PLCB4: variants seen among roughly 807,000 people sequenced by gnomAD.
PLCB4 encodes the protein phospholipase C beta 4.
Under a neutral mutation model 178.8 loss-of-function variants are expected in PLCB4, and 77 were observed. The ratio of observed to expected loss-of-function variants is 0.43; its 90% confidence interval spans 0.36 to 0.52. PLCB4 has a LOEUF of 0.52. PLCB4 is among the 20% of genes least tolerant of loss of function. PLCB4 has a pLI of 0.00. For synonymous variants in PLCB4, 496 were observed against 490.8 expected (o/e 1.01, Z -0.14); for missense variants, 1,024 against 1,453.4 (o/e 0.70, Z 4.80).
At chr20:9,175,097 A>G (rs2093132396) in intron 2 of PLCB4, among the ~76,000 whole-genome samples, 1 of 152,210 alleles carries the variant, frequency 6.6e-6, no homozygotes, top group Non-Finnish European at 1.5e-5. Context: ...GGTTGTCACC[A>G]TCAGCATCAG....
At chr20:9,255,685 T>A (rs932354607) in intron 3 of PLCB4, among the ~76,000 whole-genome samples, 1 of 152,150 alleles carries the variant, frequency 6.6e-6, no homozygotes, top group Non-Finnish European at 1.5e-5. Flanking sequence ...ACAAACATTT[T>A]CTGTAAATGG....
At chr20:9,302,293 A>G (rs1274019125) in intron 3 of PLCB4, among the ~76,000 whole-genome samples, 1 of 152,084 alleles carries the variant, frequency 6.6e-6, no homozygotes, top group African/African-American at 2.4e-5. Context: ...TCCCTTTAAC[A>G]TTCTCTGCAG....
At chr20:9,345,883 G>C (rs1010690974) in intron 7 of PLCB4, among the ~76,000 whole-genome samples, 1 of 152,102 alleles carries the variant, frequency 6.6e-6, no homozygotes, top group Non-Finnish European at 1.5e-5. Flanking sequence ...AGTCAAAATT[G>C]CTTTGCTAAA....
intron 1 of PLCB4, among the ~76,000 whole-genome samples, chr20:9,081,719 T>A (rs1376822897): frequency 7.4e-6 from 1 of 135,262 alleles, no homozygotes; most frequent in East Asian, 2.3e-4. Flanking sequence ...ATGCCATTAT[T>A]GCAAAGCCTG....
intron 28 of PLCB4, among the ~76,000 whole-genome samples, chr20:9,430,107 A>T (rs1360953692): frequency 6.6e-6 from 1 of 152,106 alleles, no homozygotes; most frequent in Non-Finnish European, 1.5e-5. Context: ...AAAATAAAAA[A>T]AGTTTGTGCA....
chr20:9,277,047 A>G (rs756180990), intron 3 of PLCB4, among the ~76,000 whole-genome samples: 1 of 152,076 alleles, frequency 6.6e-6, no homozygotes, highest in Non-Finnish European at 1.5e-5. Flanking sequence ...GATGCACAGT[A>G]AAGTCTGGGA....
Position 9,105,045 on chromosome 20 carries a change from A to T in PLCB4, c.-79+8703A>T, listed in dbSNP as rs563560802. On this transcript the variant is annotated intron_variant, in intron 2 of 39. Coordinates refer to ENST00000378473, the MANE Select transcript of PLCB4 (RefSeq NM_001377142.1). ...TATATGTAACAAGTGCTTGATTTTT[A>T]AAAAAATGAGTGAATGAAGATATGA... 5.9e-5 allele frequency among the ~76,000 whole-genome samples: 9 copies of T among 152,184 alleles called. No homozygotes were observed. In the East Asian group the frequency reaches 1.2e-3, roughly 20 times the overall value.
At chr20:9,235,507 A>G (rs1399376670) in intron 3 of PLCB4, among the ~76,000 whole-genome samples, 2 of 152,206 alleles carry the variant, frequency 1.3e-5, no homozygotes, top group Non-Finnish European at 2.9e-5. Context: ...CAAACTATAC[A>G]TATTGTAGCC....
At chr20:9,290,910 A>G (rs1226219239) in intron 3 of PLCB4, among the ~76,000 whole-genome samples, 1 of 152,158 alleles carries the variant, frequency 6.6e-6, no homozygotes, top group Non-Finnish European at 1.5e-5. Context: ...GATAAATTAC[A>G]GTTTCAGGAT....
chr20:9,308,084 C>G (rs528517394), intron 4 of PLCB4, among the ~76,000 whole-genome samples, 186 bp downstream of exon 4: 1 of 151,966 alleles, frequency 6.6e-6, no homozygotes, highest in Non-Finnish European at 1.5e-5. Flanking sequence ...AATTTTTGAG[C>G]GCTCACTATG....
chr20:9,401,168 T>C (rs986531071), intron 19 of PLCB4, among the ~76,000 whole-genome samples: 4 of 152,242 alleles, frequency 2.6e-5, no homozygotes, highest in Non-Finnish European at 4.4e-5. Flanking sequence ...TCCTGCAGTG[T>C]TTGAGGCTTT....
intron 3 of PLCB4, among the ~76,000 whole-genome samples, chr20:9,231,090 C>T (rs150492100): frequency 1.1e-3 from 168 of 152,258 alleles, no homozygotes; most frequent in Non-Finnish European, 1.8e-3. Flanking sequence ...AATTTGGAGA[C>T]ATAGTTTAAT....
chr20:9,312,426 A>G (rs142751502), intron 4 of PLCB4, among the ~76,000 whole-genome samples: 4 of 151,546 alleles, frequency 2.6e-5, no homozygotes, highest in Non-Finnish European at 5.9e-5. Context: ...GTGGTGGAGG[A>G]AAACTGAGAC....
chr20:9,405,445 T>A (rs944107289), intron 21 of PLCB4, 97 bp downstream of exon 21: 3 of 738,452 alleles, frequency 4.1e-6, no homozygotes, highest in Non-Finnish European at 6.6e-6. Flanking sequence ...AATGATTAAA[T>A]CCTGATAAAA....
intron 2 of PLCB4, among the ~76,000 whole-genome samples, chr20:9,132,357 T>C (rs73609427): frequency 0.023 from 3,466 of 152,196 alleles, 120 homozygotes; most frequent in African/African-American, 0.077. Context: ...CTGAATGTCA[T>C]GCAGTATTTT....
chr20:9,238,242 C>T (rs958358927), intron 3 of PLCB4, among the ~76,000 whole-genome samples: 4 of 152,126 alleles, frequency 2.6e-5, no homozygotes, highest in Admixed American at 2.0e-4. Context: ...TAACATTGAA[C>T]TCTGAAGGAG....
At chr20:9,159,587 G>C (rs987713091) in intron 2 of PLCB4, among the ~76,000 whole-genome samples, 1 of 152,096 alleles carries the variant, frequency 6.6e-6, no homozygotes, top group Non-Finnish European at 1.5e-5. Flanking sequence ...AGGTTTTGCT[G>C]ATTATCTGAT....
At chr20:9,247,748 C>T (rs1182869179) in intron 3 of PLCB4, among the ~76,000 whole-genome samples, 2 of 152,122 alleles carry the variant, frequency 1.3e-5, no homozygotes, top group African/African-American at 2.4e-5. Context: ...ACATAGATTT[C>T]CTGGAGGTCC....
chr20:9,457,905 A>C lies in PLCB4; in HGVS notation c.3072+416A>C, dbSNP rs368951514. Among the ~76,000 whole-genome samples, 12 of 152,314 alleles carry C rather than the reference A, an allele frequency of 7.9e-5. No individual in the cohort carries two copies. In the South Asian group the frequency reaches 2.5e-3, roughly 32 times the overall value. On this transcript the variant is annotated intron_variant, in intron 34 of 39. Coordinates refer to ENST00000378473, the MANE Select transcript of PLCB4 (RefSeq NM_001377142.1). The stretch of plus-strand genomic sequence containing the variant: ...ATCCTAACTTTACATGGAAATTTGG[A>C]ATGAGAAAAAATTAAGAGCTGATAT...
Sources: allele counts gnomAD v4.1 joint callset (sites outside exome capture counted in the v4.1 genomes callset), GRCh38; gene constraint gnomAD v4.1.1; transcripts MANE v1.5; gene names NCBI Gene and HGNC (gene_info 2026-07-23, HGNC 2026-07-21).